PARP14: variants seen among roughly 807,000 people sequenced by gnomAD.
PARP14 encodes the protein poly(ADP-ribose) polymerase family member 14, also known as protein mono-ADP-ribosyltransferase PARP14.
Under a neutral mutation model 154.2 loss-of-function variants are expected in PARP14, and 59 were observed. The observed-to-expected ratio is 0.38, with a 90% CI of 0.31 to 0.48. The LOEUF (loss-of-function observed/expected upper bound fraction) is 0.48. PARP14 is among the 20% of genes least tolerant of loss of function. PARP14 has a pLI of 0.98. For missense variants in PARP14, 1,734 were observed against 2,131.6 expected, an observed-to-expected ratio of 0.81 and a Z score of 3.67; for synonymous variants, 720 against 780.5, an observed-to-expected ratio of 0.92 and a Z score of 1.29.
At chr3:122,697,234 G>C (rs986804475) in intron 5 of PARP14, among the ~76,000 whole-genome samples, 1 of 152,166 alleles carries the variant, frequency 6.6e-6, no homozygotes, top group Non-Finnish European at 1.5e-5. Context: ...GATTATAGGC[G>C]TGAGTCACTG....
chr3:122,718,277 T>C lies in PARP14; in HGVS notation c.4207T>C (p.Ser1403Pro), dbSNP rs1226336835. The change falls in exon 13 of 17, where the codon TCA (serine) becomes CCA (proline). Residue 1403 changes from serine to proline, a missense_variant and splice_region_variant. Transcript: ENST00000474629. ...ACAGTCTGTGATGTCTAAACTTGCA[T>C]GTGAGTTCTTTGTTTTTATGAAATG... The part of the protein sequence containing the change: ...SQQSVMSKLA[S>P]FLGFSKQSPQ... 3 of 1,613,086 alleles carry C rather than the reference T, an allele frequency of 1.9e-6. No homozygotes were observed. Among genetic ancestry groups the C allele is most frequent in the Non-Finnish European group, 2.5e-6 (3 of 1,179,432 alleles).
chr3:122,714,699 G>C (rs1164879947), intron 12 of PARP14, among the ~76,000 whole-genome samples: 1 of 152,200 alleles, frequency 6.6e-6, no homozygotes, highest in East Asian at 1.9e-4. Flanking sequence ...ATAAGGAGGA[G>C]AAGAGAAGGG....
intron 15 of PARP14, among the ~76,000 whole-genome samples, chr3:122,726,061 A>C (rs1234352449): frequency 6.6e-6 from 1 of 152,184 alleles, no homozygotes; most frequent in African/African-American, 2.4e-5. Flanking sequence ...AGCCTTATTT[A>C]TCTCTCTTCT....
intron 5 of PARP14, among the ~76,000 whole-genome samples, chr3:122,696,414 C>T (rs1938781251): frequency 6.6e-6 from 1 of 152,158 alleles, no homozygotes; most frequent in Non-Finnish European, 1.5e-5. Flanking sequence ...CAACAAGGTA[C>T]TTGAAGGAAC....
At chr3:122,714,214 C>G in intron 11 of PARP14, 48 bp from the exon 12 acceptor site, 3 of 1,483,204 alleles carry the variant, frequency 2.0e-6, no homozygotes, top group Non-Finnish European at 2.7e-6. Flanking sequence ...AAACAAATGA[C>G]GGGTTCAACT....
At chr3:122,683,381 C>T in intron 1 of PARP14, 1 of 531,124 alleles carries the variant, frequency 1.9e-6, no homozygotes, top group Non-Finnish European at 2.4e-6. Context: ...CCCACCAGCA[C>T]TTCTCCGTAT....
chr3:122,716,322 C>A (rs1932993976), intron 12 of PARP14, among the ~76,000 whole-genome samples: 2 of 152,174 alleles, frequency 1.3e-5, no homozygotes, highest in South Asian at 4.1e-4. Context: ...ACATCACTTT[C>A]CATCTAGAGT....
At chr3:122,720,085 G>A (rs747759248) in intron 14 of PARP14, among the ~76,000 whole-genome samples, 170 bp from the exon 15 acceptor site, 7 of 152,168 alleles carry the variant, frequency 4.6e-5, no homozygotes, top group Non-Finnish European at 7.3e-5. Flanking sequence ...ATTCCAGTTG[G>A]TTCTGATGTA....
chr3:122,713,754 A>G (rs1939395099), intron 10 of PARP14, 118 bp from the exon 11 acceptor site: 4 of 876,870 alleles, frequency 4.6e-6, no homozygotes, highest in Non-Finnish European at 7.4e-6. Context: ...GTCATCAGCA[A>G]TACCCAATTA....
rs1340614109 is a variant in PARP14 at position 122,728,688 on chromosome 3, C to T, written c.*91C>T. The T allele has an allele frequency of 3.1e-6, 3 of 977,652 alleles. No individual in the cohort carries two copies. The African/African-American group carries it at 4.9e-5, about 16-fold the overall frequency. The allele number at this position is 977,652 out of a possible 1,614,324, so 60.6% of individuals were successfully genotyped here. On this transcript the variant is annotated 3_prime_UTR_variant, in exon 17 of 17. Coordinates refer to ENST00000474629, the MANE Select transcript of PARP14 (RefSeq NM_017554.3). ...AGCTTTTTTTTTTAATTCCTCTTAA[C>T]AGATTTTTCTAATATCCAAGGATCA... is the stretch of plus-strand genomic sequence containing the variant.
At chr3:122,694,121 T>G (rs952620523) in intron 4 of PARP14, among the ~76,000 whole-genome samples, 1 of 152,182 alleles carries the variant, frequency 6.6e-6, no homozygotes, top group South Asian at 2.1e-4. Context: ...GAAGCCCATA[T>G]GTAAACAAAT....
intron 12 of PARP14, among the ~76,000 whole-genome samples, chr3:122,715,258 C>T (rs1932959992): frequency 6.6e-6 from 1 of 152,126 alleles, no homozygotes; most frequent in South Asian, 2.1e-4. Flanking sequence ...ACGGAGCTGC[C>T]TTGTTCCAGT....
chr3:122,690,434 T>C (rs1938502603), intron 3 of PARP14, among the ~76,000 whole-genome samples: 3 of 152,218 alleles, frequency 2.0e-5, no homozygotes. Context: ...CATGGCATGA[T>C]AGCCAGCACA....
intron 1 of PARP14, among the ~76,000 whole-genome samples, chr3:122,682,015 A>G (rs147222020): frequency 1.7e-4 from 26 of 152,314 alleles, no homozygotes; most frequent in South Asian, 4.1e-4. Context: ...GCTGAGGCTG[A>G]GGCCATGCAA....
chr3:122,726,792 G>T (rs1933298601), intron 15 of PARP14, among the ~76,000 whole-genome samples: 1 of 151,854 alleles, frequency 6.6e-6, no homozygotes, highest in African/African-American at 2.4e-5. Flanking sequence ...AAATGTTGAA[G>T]GCTTTAAAAA....
In PARP14 at chr3:122,680,843, T is replaced by C. The variant is rs756416915; in HGVS notation, c.-41T>C. On this transcript the variant is annotated 5_prime_UTR_variant, in exon 1 of 17. Coordinates refer to ENST00000474629, the MANE Select transcript of PARP14 (RefSeq NM_017554.3). The stretch of plus-strand genomic sequence containing the variant: ...AAGAGTCAAAGTTAGCGGCCCGGAG[T>C]TGGCGCGGCCCCTGCAGTCCGGCGG... 2.0e-6 allele frequency: 3 copies of C among 1,483,840 alleles called. No homozygotes were observed. Among genetic ancestry groups the C allele is most frequent in the South Asian group, 1.2e-5 (1 of 82,606 alleles). 91.9% of individuals were successfully genotyped at this position (1,483,840 alleles called of 1,614,324 possible).
chr3:122,686,900 G>T, intron 2 of PARP14, 180 bp from the exon 3 acceptor site: 1 of 518,714 alleles, frequency 1.9e-6, no homozygotes, highest in Non-Finnish European at 3.4e-6. Context: ...GGTGATTTTT[G>T]TGACTTGCAA....
In PARP14 at chr3:122,691,228, GT is replaced by G. The variant is rs574907242; in HGVS notation, c.356-1066del. ...AAAATCTGTAAATTTCTTAACTAAT[GT>G]TTTTTTATATTCTTACTTCTCCTTA... On this transcript the variant is annotated intron_variant, in intron 3 of 16. Coordinates refer to ENST00000474629, the MANE Select transcript of PARP14 (RefSeq NM_017554.3). Among the ~76,000 whole-genome samples the G allele has an allele frequency of 1.2e-4, 18 of 152,212 alleles. No individual in the cohort carries two copies. In the East Asian group the frequency reaches 3.3e-3, roughly 28 times the overall value.
At position 122,699,521 on chromosome 3, in the gene PARP14, G is replaced by C; in HGVS notation, c.967G>C (p.Glu323Gln). Reference sequence around the variant, plus strand: ...TCTGATCAAGCTTCCAGCACCATTTGAAGAGTCACTAGATCTTCCCTTATG... The same window carrying C: ...TCTGATCAAGCTTCCAGCACCATTTCAAGAGTCACTAGATCTTCCCTTATG... ...KPLIKLPAPF[E>Q]ESLDLPLWKF... Residue 323 changes from glutamate (E) to glutamine (Q), a missense_variant, in exon 6 of 17, where the codon GAA (glutamate) becomes CAA (glutamine). This residue lies in a region of PARP14 where 1,646 missense variants were observed against 1,976.0 expected (regional missense o/e 0.83). Coordinates refer to ENST00000474629, the MANE Select transcript of PARP14 (RefSeq NM_017554.3). The C allele has an allele frequency of 6.2e-7, 1 of 1,613,968 alleles. No homozygotes were observed. Among genetic ancestry groups the C allele is most frequent in the Non-Finnish European group, 8.5e-7 (1 of 1,179,860 alleles).
Sources: allele counts gnomAD v4.1 joint callset (sites outside exome capture counted in the v4.1 genomes callset), GRCh38; gene constraint gnomAD v4.1.1; regional missense constraint gnomAD v4.1.1; transcripts MANE v1.5; gene names NCBI Gene and HGNC (gene_info 2026-07-23, HGNC 2026-07-21).